The following TRPC7 variants were observed in gnomAD, a reference collection of about 807,000 sequenced individuals.
The protein encoded by TRPC7 is short transient receptor potential channel 7.
In TRPC7, 42 loss-of-function variants were observed where a neutral mutation model predicts 90.1. That is an observed-to-expected ratio of 0.47 (90% confidence interval 0.36 to 0.60). The LOEUF (loss-of-function observed/expected upper bound fraction) is 0.60. TRPC7 is among the 20% of genes least tolerant of loss of function. The pLI is 0.00. For synonymous variants in TRPC7, 451 were observed against 436.3 expected (o/e 1.03, Z -0.42); for missense variants, 955 against 1,112.3 (o/e 0.86, Z 2.01).
chr5:136,357,658 C>T (rs1488909243), intron 1 of TRPC7, among the ~76,000 whole-genome samples: 1 of 152,014 alleles, frequency 6.6e-6, no homozygotes, highest in Non-Finnish European at 1.5e-5. Flanking sequence ...TTTAGAAGGA[C>T]CCTAATAAGA....
chr5:136,223,469 C>G (rs188440191), intron 10 of TRPC7, among the ~76,000 whole-genome samples: 174 of 151,880 alleles, frequency 1.1e-3, no homozygotes, highest in African/African-American at 3.8e-3. Flanking sequence ...CAAAATTAGC[C>G]AGGCATGGTG....
intron 6 of TRPC7, among the ~76,000 whole-genome samples, 178 bp downstream of exon 6, chr5:136,251,471 T>G (rs2149805708): frequency 6.6e-6 from 1 of 152,190 alleles, no homozygotes; most frequent in African/African-American, 2.4e-5. Flanking sequence ...GGACCAAGGG[T>G]TTTTTTGAGG....
At chr5:136,282,082 G>C (rs1757567725) in intron 3 of TRPC7, among the ~76,000 whole-genome samples, 1 of 152,102 alleles carries the variant, frequency 6.6e-6, no homozygotes. Flanking sequence ...TATTAATATT[G>C]ATACAAGAAA....
intron 1 of TRPC7, 68 bp from the exon 2 acceptor site, chr5:136,357,453 T>A: frequency 6.9e-7 from 1 of 1,448,838 alleles, no homozygotes; most frequent in South Asian, 1.4e-5. Flanking sequence ...CACACAAAAA[T>A]GGTTGAGATA....
At chr5:136,237,975 G>T (rs1444409340) in intron 7 of TRPC7, among the ~76,000 whole-genome samples, 3 of 152,126 alleles carry the variant, frequency 2.0e-5, no homozygotes, top group Non-Finnish European at 4.4e-5. Flanking sequence ...TCAAGGCCCT[G>T]GGTAGTCTGG....
At chr5:136,291,656 C>A (rs1316701743) in intron 3 of TRPC7, among the ~76,000 whole-genome samples, 1 of 152,156 alleles carries the variant, frequency 6.6e-6, no homozygotes, top group Non-Finnish European at 1.5e-5. Flanking sequence ...TCCTGAGTGA[C>A]CTACAAAGAG....
At chr5:136,234,600 G>A (rs1755929965) in intron 7 of TRPC7, among the ~76,000 whole-genome samples, 2 of 152,122 alleles carry the variant, frequency 1.3e-5, no homozygotes, top group South Asian at 2.1e-4. Flanking sequence ...TAGCCACCGC[G>A]CCTGGCCCTA....
At chr5:136,287,459 G>A (rs930177534) in intron 3 of TRPC7, among the ~76,000 whole-genome samples, 6 of 151,808 alleles carry the variant, frequency 4.0e-5, no homozygotes, top group Admixed American at 6.6e-5. Flanking sequence ...TGAACTCCCT[G>A]CCTTGGAGGT....
In TRPC7 at chr5:136,301,332, A is replaced by ATTTTTTTTTT. The variant is rs368799815; in HGVS notation, c.963+14255_963+14264dup. On this transcript the variant is annotated intron_variant, in intron 3 of 11. Coordinates refer to ENST00000513104, the MANE Select transcript of TRPC7 (RefSeq NM_020389.3). ...TTGAGCCACTGCACCCAGCCCAGGC[A>ATTTTTTTTTT]TTTTTTTTTTTTTTTTTTTTTTTTT... Among the ~76,000 whole-genome samples the ATTTTTTTTTT allele has an allele frequency of 1.5e-4, 13 of 85,704 alleles. 2 individuals carry two copies. Among genetic ancestry groups the ATTTTTTTTTT allele is most frequent in the Non-Finnish European group, 2.2e-4 (10 of 46,474 alleles). 56.2% of individuals were successfully genotyped at this position (85,704 alleles called of 152,430 possible). A position where few individuals can be genotyped will look rare whatever the true frequency, so the allele number is the denominator to read the frequency against.
chr5:136,278,137 G>A (rs928298403), intron 3 of TRPC7, among the ~76,000 whole-genome samples: 3 of 152,208 alleles, frequency 2.0e-5, no homozygotes, highest in Admixed American at 2.0e-4. Context: ...GGAATGGAAA[G>A]GCTGACTCTG....
chr5:136,220,484 T>G (rs1023667355), intron 10 of TRPC7, among the ~76,000 whole-genome samples: 1 of 152,190 alleles, frequency 6.6e-6, no homozygotes, highest in Admixed American at 6.5e-5. Flanking sequence ...CCTGGTCTCC[T>G]GCAGTACCCT....
rs188654481 is a variant in TRPC7, at chr5:136,284,423, A to G, written c.964-9586T>C. Among the ~76,000 whole-genome samples the G allele has an allele frequency of 8.3e-4, 126 of 152,336 alleles. 1 individual carries two copies. The highest frequency in any genetic ancestry group is 1.6e-3 in the Admixed American group (24 of 15,292). ...TTATGGCAAATAAAATCTTTCTCCC[A>G]GAATGTTCATATTCTTTAGAAGTAA... is the stretch of plus-strand genomic sequence containing the variant. On this transcript the variant is annotated intron_variant, in intron 3 of 11. Transcript: ENST00000513104.
intron 2 of TRPC7, among the ~76,000 whole-genome samples, chr5:136,334,918 G>A (rs1759603829): frequency 1.3e-5 from 2 of 152,188 alleles, no homozygotes; most frequent in South Asian, 4.1e-4. Context: ...GACTGTTCAA[G>A]GCCCCTTATC....
At chr5:136,303,034 T>A (rs1431723825) in intron 3 of TRPC7, among the ~76,000 whole-genome samples, 3 of 152,280 alleles carry the variant, frequency 2.0e-5, no homozygotes, top group South Asian at 4.2e-4. Flanking sequence ...ATAATCCTTT[T>A]ATCACCTCCC....
chr5:136,279,642 C>T (rs1358472139), intron 3 of TRPC7, among the ~76,000 whole-genome samples: 2 of 152,148 alleles, frequency 1.3e-5, no homozygotes, highest in Non-Finnish European at 2.9e-5. Context: ...ACAAAGAGGC[C>T]ACCCTCCATA....
intron 1 of TRPC7, among the ~76,000 whole-genome samples, chr5:136,361,282 C>A (rs1040673342): frequency 1.3e-5 from 2 of 151,876 alleles, no homozygotes; most frequent in Admixed American, 1.3e-4. Context: ...GATTAAATAC[C>A]CCAATTAAGA....
intron 10 of TRPC7, among the ~76,000 whole-genome samples, chr5:136,222,901 ATGGGAGAGTACACG>A (rs1423865310): frequency 6.6e-6 from 1 of 152,182 alleles, no homozygotes; most frequent in Non-Finnish European, 1.5e-5. Context: ...TCCAAGGAAT[ATGGGAGAGTACACG>A]TGAGCTAGTG....
intron 2 of TRPC7, among the ~76,000 whole-genome samples, chr5:136,348,433 G>C (rs538292991): frequency 6.6e-6 from 1 of 152,234 alleles, no homozygotes; most frequent in East Asian, 1.9e-4. Flanking sequence ...TTATTCCATT[G>C]GGTTTCATTT....
At chr5:136,361,495 A>G (rs1760568600) in intron 1 of TRPC7, among the ~76,000 whole-genome samples, 1 of 152,202 alleles carries the variant, frequency 6.6e-6, no homozygotes, top group Admixed American at 6.5e-5. Context: ...TTGACCCATG[A>G]AAAGTATAAA....
Sources: allele counts gnomAD v4.1 joint callset (sites outside exome capture counted in the v4.1 genomes callset), GRCh38; gene constraint gnomAD v4.1.1; transcripts MANE v1.5; gene names NCBI Gene and HGNC (gene_info 2026-07-23, HGNC 2026-07-21).